Variants in IREB2 observed in about 807,000 individuals in gnomAD.
IREB2 encodes the protein iron-responsive element-binding protein 2.
A neutral mutation model predicts 118.8 loss-of-function variants in IREB2; 39 were observed. The observed-to-expected ratio is 0.33, with a 90% CI of 0.25 to 0.43. IREB2 has a LOEUF of 0.43. Ranked by LOEUF, IREB2 falls within the 20% of genes least tolerant of loss-of-function variation. The pLI, the probability that IREB2 is intolerant of heterozygous loss-of-function variation, is 1.00. For synonymous variants in IREB2, 372 were observed against 392.2 expected, an observed-to-expected ratio of 0.95 and a Z score of 0.61; for missense variants, 900 against 1,147.3, an observed-to-expected ratio of 0.78 and a Z score of 3.11.
chr15:78,495,431 A>G (rs901607356), intron 20 of IREB2, among the ~76,000 whole-genome samples: 3 of 152,154 alleles, frequency 2.0e-5, no homozygotes, highest in Non-Finnish European at 2.9e-5. Flanking sequence ...ATTACAAGCC[A>G]TGGATGGGGG....
Position 78,473,385 on chromosome 15 carries a change from A to G in IREB2, c.1023+4A>G, listed in dbSNP as rs923730499. ...TGTTGTTCTTGGTATTACAAAGGTA[A>G]GTTAAAGTTGTGGTAGCTCTATGAC... is the stretch of plus-strand genomic sequence containing the variant. On this transcript the variant is annotated splice_donor_region_variant and intron_variant, in intron 8 of 21. Transcript: ENST00000258886. 10 of 1,612,634 alleles carry G rather than the reference A, an allele frequency of 6.2e-6. No homozygotes were observed. Among genetic ancestry groups the G allele is most frequent in the Non-Finnish European group, 8.5e-6 (10 of 1,179,114 alleles).
intron 2 of IREB2, among the ~76,000 whole-genome samples, chr15:78,446,268 G>A (rs2050927555): frequency 6.6e-6 from 1 of 152,120 alleles, no homozygotes; most frequent in Admixed American, 6.5e-5. Context: ...ACTTTCCAAG[G>A]ATTACCTTTA....
chr15:78,444,758 T>C (rs948631937), intron 2 of IREB2, among the ~76,000 whole-genome samples: 3 of 152,202 alleles, frequency 2.0e-5, no homozygotes, highest in African/African-American at 7.2e-5. Flanking sequence ...TTGTAACCCT[T>C]TTTTTCACTT....
At position 78,497,147 on chromosome 15, in the gene IREB2, G is replaced by A. The variant is rs1326410961; in HGVS notation, c.2617G>A (p.Glu873Lys). 6.2e-7 allele frequency: 1 copy of A among 1,613,562 alleles called. No individual in the cohort carries two copies. Among genetic ancestry groups the A allele is most frequent in the Admixed American group, 1.7e-5 (1 of 60,002 alleles). Residue 873 changes from glutamate to lysine, a missense_variant, in exon 21 of 22, where the codon GAA (glutamate) becomes AAA (lysine). Transcript: ENST00000258886. ...ACAGGGTGTGAAAGCTGTTTTGGCC[G>A]AAAGTTATGAAAAAATACACAAAGA... ...YLLGVKAVLA[E>K]SYEKIHKDHL... is the part of the protein sequence containing the mutation.
intron 3 of IREB2, among the ~76,000 whole-genome samples, 153 bp downstream of exon 3, chr15:78,463,240 G>A (rs1458194245): frequency 6.6e-6 from 1 of 152,140 alleles, no homozygotes; most frequent in African/African-American, 2.4e-5. Flanking sequence ...GGAGTTTGCA[G>A]TCAGTCTGGG....
intron 20 of IREB2, among the ~76,000 whole-genome samples, chr15:78,496,185 C>G (rs2051834971): frequency 6.6e-6 from 1 of 152,226 alleles, no homozygotes; most frequent in African/African-American, 2.4e-5. Context: ...ACTTACCTAT[C>G]TCTGTTTTCT....
chr15:78,485,479 AATG>A (rs1465361518), intron 12 of IREB2, among the ~76,000 whole-genome samples: 1 of 152,234 alleles, frequency 6.6e-6, no homozygotes, highest in African/African-American at 2.4e-5. Flanking sequence ...ACTCTGTGTG[AATG>A]ATGTCAGCCT....
chr15:78,498,002 G>A, intron 21 of IREB2, 31 bp from the exon 22 acceptor site: 1 of 1,260,988 alleles, frequency 7.9e-7, no homozygotes, highest in Non-Finnish European at 1.2e-6. Context: ...AGATTTACTT[G>A]CTCACATGAG....
At chr15:78,449,636 A>G (rs1413442178) in intron 2 of IREB2, among the ~76,000 whole-genome samples, 1 of 152,254 alleles carries the variant, frequency 6.6e-6, no homozygotes, top group Admixed American at 6.5e-5. Flanking sequence ...CATGTCTGCA[A>G]GCCAGCAGAC....
At chr15:78,487,336 C>T (rs1276540454) in intron 13 of IREB2, among the ~76,000 whole-genome samples, 1 of 152,182 alleles carries the variant, frequency 6.6e-6, no homozygotes, top group Admixed American at 6.5e-5. Context: ...GGGGAATTCT[C>T]TTGTACAGTG....
At chr15:78,482,093 G>A (rs964450773) in intron 10 of IREB2, among the ~76,000 whole-genome samples, 9 of 152,090 alleles carry the variant, frequency 5.9e-5, no homozygotes, top group Non-Finnish European at 1.2e-4. Context: ...AGCCAGGCGT[G>A]GTGGCGCATG....
chr15:78,441,600 G>A (rs2050845285), intron 2 of IREB2, among the ~76,000 whole-genome samples: 1 of 152,168 alleles, frequency 6.6e-6, no homozygotes, highest in African/African-American at 2.4e-5. Context: ...TTACTTGAAG[G>A]AAGATGACCT....
At chr15:78,459,032 C>T (rs963428093) in intron 2 of IREB2, among the ~76,000 whole-genome samples, 2 of 151,942 alleles carry the variant, frequency 1.3e-5, no homozygotes, top group Non-Finnish European at 2.9e-5. Flanking sequence ...ATCTCCTGGA[C>T]TCAAGCAGTC....
chr15:78,490,749 T>A lies in IREB2; in HGVS notation c.2312T>A (p.Leu771Ter). 6.2e-7 allele frequency: 1 copy of A among 1,614,146 alleles called. No individual in the cohort carries two copies. Among genetic ancestry groups the A allele is most frequent in the Non-Finnish European group, 8.5e-7 (1 of 1,179,986 alleles). ...IARNSAAAKY[L>*]TNRGLTPREF... is the part of the protein sequence containing the mutation. Reference sequence around the variant, plus strand: ...AGGAATAGTGCTGCCGCTAAGTATTTGACAAACAGAGGGTATGTGTACATG... The same window carrying A: ...AGGAATAGTGCTGCCGCTAAGTATTAGACAAACAGAGGGTATGTGTACATG... The change falls in exon 18 of 22, where the codon TTG becomes TAG. Residue 771 changes from leucine (L) to a stop codon, truncating the protein, a stop_gained. Coordinates refer to ENST00000258886, the MANE Select transcript of IREB2 (RefSeq NM_004136.4). LOFTEE classifies it high-confidence loss of function.
At chr15:78,490,837 T>C in intron 18 of IREB2, 76 bp downstream of exon 18, 1 of 1,366,742 alleles carries the variant, frequency 7.3e-7, no homozygotes. Context: ...TTGGTCTTGT[T>C]CCTTTTTTCC....
At position 78,439,860 on chromosome 15, in the gene IREB2, T is replaced by G; in HGVS notation, c.85T>G (p.Ser29Ala). The G allele has an allele frequency of 1.2e-6, 2 of 1,602,710 alleles. No individual in the cohort carries two copies. The highest frequency in any genetic ancestry group is 1.3e-5 in the African/African-American group (1 of 74,778). The change falls in exon 2 of 22, where the codon TCT (serine) becomes GCT (alanine). Residue 29 changes from serine (S) to alanine (A), a missense_variant. Coordinates refer to ENST00000258886, the MANE Select transcript of IREB2 (RefSeq NM_004136.4). ...DSSHKKFFDV[S>A]KLGTKYDVLP... ...TTCACATAAGAAGTTCTTCGATGTA[T>G]CTAAACTTGGCACCAAGTATGGTAA...
intron 2 of IREB2, among the ~76,000 whole-genome samples, chr15:78,454,824 G>A (rs994557009): frequency 1.1e-4 from 16 of 152,150 alleles, no homozygotes; most frequent in African/African-American, 3.9e-4. Context: ...CTCGTTAGTA[G>A]TTAGGATCAC....
At chr15:78,459,144 C>T (rs1229822584) in intron 2 of IREB2, among the ~76,000 whole-genome samples, 1 of 152,124 alleles carries the variant, frequency 6.6e-6, no homozygotes, top group Non-Finnish European at 1.5e-5. Context: ...ACTTTTGTAA[C>T]CCACCATGTA....
intron 4 of IREB2, among the ~76,000 whole-genome samples, chr15:78,465,698 G>A (rs1257778116): frequency 1.3e-5 from 2 of 151,952 alleles, no homozygotes; most frequent in African/African-American, 2.4e-5. Flanking sequence ...AGAAAGAATC[G>A]AAAGATGTGA....
Sources: gnomAD v4.1 joint callset for allele counts (sites outside exome capture counted in the v4.1 genomes callset) on GRCh38, gnomAD v4.1.1 for gene constraint, MANE v1.5 for transcripts, NCBI Gene and HGNC (gene_info 2026-07-23, HGNC 2026-07-21) for gene names.